The following CAB39 variants were observed in gnomAD, a reference collection of about 807,000 sequenced individuals.
The protein encoded by CAB39 is calcium binding protein 39.
Under a neutral mutation model 40.0 loss-of-function variants are expected in CAB39, and 8 were observed. The observed-to-expected ratio is 0.20, with a 90% CI of 0.12 to 0.36. The LOEUF (loss-of-function observed/expected upper bound fraction) is 0.36, where lower values mean the gene tolerates loss of function less well. Among genes scored for constraint, CAB39 ranks in the 10% least tolerant of loss-of-function variants. CAB39 has a pLI of 1.00. For synonymous variants in CAB39, 156 were observed against 141.6 expected, an observed-to-expected ratio of 1.10 and a Z score of -0.72; for missense variants, 270 against 401.1, an observed-to-expected ratio of 0.67 and a Z score of 2.79.
chr2:230,715,453 G>A (rs1694331694), intron 1 of CAB39, among the ~76,000 whole-genome samples: 1 of 152,166 alleles, frequency 6.6e-6, no homozygotes, highest in Admixed American at 6.5e-5. Flanking sequence ...CTATAGGAGT[G>A]AATGGACTTT....
Position 230,819,224 on chromosome 2 carries a change from T to G in CAB39, c.*520T>G, listed in dbSNP as rs140567636. ...AGTTTGGGGGCAGCTAAAGTTGACATGCGAATAAATTGATACTGAAACTTA... is the reference window on the plus strand; with the variant it reads ...AGTTTGGGGGCAGCTAAAGTTGACAGGCGAATAAATTGATACTGAAACTTA... On this transcript the variant is annotated 3_prime_UTR_variant, in exon 9 of 9. Coordinates refer to ENST00000258418, the MANE Select transcript of CAB39 (RefSeq NM_016289.4). 9.2e-5 allele frequency: 14 copies of G among 152,516 alleles called. No homozygotes were observed. The highest frequency in any genetic ancestry group is 3.1e-4 in the African/African-American group (13 of 41,580). 9.4% of individuals were successfully genotyped at this position (152,516 alleles called of 1,614,324 possible).
At chr2:230,769,385 C>T (rs1382264361) in intron 2 of CAB39, among the ~76,000 whole-genome samples, 1 of 152,054 alleles carries the variant, frequency 6.6e-6, no homozygotes, top group East Asian at 1.9e-4. Context: ...CTAGGTAGAC[C>T]AGAATGGTAC....
chr2:230,803,931 G>T (rs546438666), intron 5 of CAB39, among the ~76,000 whole-genome samples: 4 of 152,122 alleles, frequency 2.6e-5, no homozygotes, highest in African/African-American at 4.8e-5. Flanking sequence ...AAAAGAGCCC[G>T]CATTGCCAAG....
At chr2:230,767,304 CA>C (rs1695403948) in intron 2 of CAB39, among the ~76,000 whole-genome samples, 2 of 152,134 alleles carry the variant, frequency 1.3e-5, no homozygotes, top group African/African-American at 4.8e-5. Context: ...TCTCACTCCC[CA>C]AATCTATCCA....
At chr2:230,730,154 G>C (rs1466742427) in intron 1 of CAB39, among the ~76,000 whole-genome samples, 1 of 152,106 alleles carries the variant, frequency 6.6e-6, no homozygotes, top group Non-Finnish European at 1.5e-5. Flanking sequence ...CTGTCACCCA[G>C]GCTAGAGTTC....
chr2:230,767,032 A>G (rs1031889981), intron 2 of CAB39, among the ~76,000 whole-genome samples: 1 of 152,262 alleles, frequency 6.6e-6, no homozygotes, highest in African/African-American at 2.4e-5. Context: ...CAGAGGTACA[A>G]GAATTACCTG....
intron 2 of CAB39, among the ~76,000 whole-genome samples, chr2:230,789,524 C>T (rs1695855496): frequency 6.6e-6 from 1 of 152,182 alleles, no homozygotes; most frequent in Admixed American, 6.5e-5. Flanking sequence ...CCCCTGAGTA[C>T]TTTGCTTGAT....
intron 1 of CAB39, among the ~76,000 whole-genome samples, chr2:230,719,932 A>G (rs557723443): frequency 3.3e-4 from 50 of 152,326 alleles, no homozygotes; most frequent in South Asian, 6.2e-4. Context: ...CCAGTTGGTC[A>G]GATGGTAGTG....
At chr2:230,766,145 T>C (rs575300008) in intron 2 of CAB39, among the ~76,000 whole-genome samples, 2 of 152,116 alleles carry the variant, frequency 1.3e-5, no homozygotes, top group South Asian at 4.1e-4. Context: ...CCATTACTAA[T>C]TGAAAACAGT....
intron 1 of CAB39, among the ~76,000 whole-genome samples, chr2:230,737,890 A>G (rs1694814547): frequency 2.0e-5 from 3 of 152,156 alleles, no homozygotes; most frequent in Admixed American, 2.0e-4. Context: ...CCACTCCATA[A>G]AGTGTGGAAT....
At chr2:230,738,480 A>T (rs898099503) in intron 1 of CAB39, among the ~76,000 whole-genome samples, 3 of 152,216 alleles carry the variant, frequency 2.0e-5, no homozygotes, top group Non-Finnish European at 4.4e-5. Context: ...TTCATATGCC[A>T]GTTAGTGTGT....
chr2:230,732,818 G>A (rs1694718406), intron 1 of CAB39, among the ~76,000 whole-genome samples: 1 of 152,076 alleles, frequency 6.6e-6, no homozygotes, highest in African/African-American at 2.4e-5. Flanking sequence ...ACCTGGCCTG[G>A]GTCAGTGTGG....
intron 8 of CAB39, 185 bp downstream of exon 8, chr2:230,818,082 TG>T: frequency 1.7e-6 from 1 of 582,076 alleles, no homozygotes; most frequent in Non-Finnish European, 3.0e-6. Flanking sequence ...GGTTACTGTT[TG>T]GATCTGGGAA....
chr2:230,767,760 A>T (rs1695413313), intron 2 of CAB39, among the ~76,000 whole-genome samples: 1 of 152,094 alleles, frequency 6.6e-6, no homozygotes, highest in African/African-American at 2.4e-5. Flanking sequence ...TTGTCTCCTA[A>T]TACTCTTCAC....
chr2:230,814,178 GA>G, intron 7 of CAB39, 64 bp downstream of exon 7: 1 of 827,634 alleles, frequency 1.2e-6, no homozygotes. Context: ...TGGATTTGGG[GA>G]AAGGGAGATG....
chr2:230,766,656 G>A (rs531821002), intron 2 of CAB39, among the ~76,000 whole-genome samples: 21 of 152,328 alleles, frequency 1.4e-4, no homozygotes, highest in African/African-American at 5.1e-4. Flanking sequence ...AGCCTGCCAA[G>A]TAGCTGGGAC....
intron 6 of CAB39, among the ~76,000 whole-genome samples, chr2:230,811,113 G>A (rs943309017): frequency 6.6e-6 from 1 of 152,150 alleles, no homozygotes; most frequent in African/African-American, 2.4e-5. Context: ...CCCGTAAAGA[G>A]GTTAGAAGAA....
At chr2:230,769,132 C>G (rs143668746) in intron 2 of CAB39, among the ~76,000 whole-genome samples, 14 of 152,260 alleles carry the variant, frequency 9.2e-5, no homozygotes, top group African/African-American at 3.4e-4. Flanking sequence ...AAATAGACTT[C>G]AGAGCAAAGA....
intron 5 of CAB39, among the ~76,000 whole-genome samples, chr2:230,806,240 T>C (rs1696191624): frequency 6.6e-6 from 1 of 152,178 alleles, no homozygotes; most frequent in African/African-American, 2.4e-5. Flanking sequence ...GAGATTTTGA[T>C]TGAAATCAGA....
Sources: gnomAD v4.1 joint callset for allele counts (sites outside exome capture counted in the v4.1 genomes callset) on GRCh38, gnomAD v4.1.1 for gene constraint, MANE v1.5 for transcripts, NCBI Gene and HGNC (gene_info 2026-07-23, HGNC 2026-07-21) for gene names.